The following SLC43A2 variants were observed in gnomAD, a reference collection of about 807,000 sequenced individuals.
The protein encoded by SLC43A2 is solute carrier family 43 member 2.
SLC43A2 carries 38 observed loss-of-function variants against 63.2 expected under a neutral mutation model. The ratio of observed to expected loss-of-function variants is 0.60; its 90% confidence interval spans 0.46 to 0.79. The LOEUF (loss-of-function observed/expected upper bound fraction) is 0.79. Ranked by LOEUF, SLC43A2 falls within the 30% of genes least tolerant of loss-of-function variation. SLC43A2 has a pLI of 0.00. For synonymous variants in SLC43A2, 322 were observed against 331.0 expected, an observed-to-expected ratio of 0.97 and a Z score of 0.30; for missense variants, 644 against 756.2, an observed-to-expected ratio of 0.85 and a Z score of 1.74.
chr17:1,584,259 C>T (rs2076066876), intron 10 of SLC43A2, among the ~76,000 whole-genome samples: 1 of 152,172 alleles, frequency 6.6e-6, no homozygotes, highest in African/African-American at 2.4e-5. Context: ...CCCACGCAGA[C>T]ACCCTGGATG....
At chr17:1,620,245 G>A (rs906193196) in intron 2 of SLC43A2, among the ~76,000 whole-genome samples, 1 of 152,108 alleles carries the variant, frequency 6.6e-6, no homozygotes. Flanking sequence ...GCAGGTACCC[G>A]TAACCCCAAC....
chr17:1,626,968 G>A (rs1908715941), intron 2 of SLC43A2, among the ~76,000 whole-genome samples: 1 of 152,170 alleles, frequency 6.6e-6, no homozygotes, highest in African/African-American at 2.4e-5. Context: ...AGGTGTGAAG[G>A]TAAGTGTGTG....
intron 2 of SLC43A2, among the ~76,000 whole-genome samples, chr17:1,626,013 A>AC (rs1272193598): frequency 2.0e-5 from 3 of 150,480 alleles, no homozygotes; most frequent in Non-Finnish European, 3.0e-5. Flanking sequence ...ATTAAAAAAA[A>AC]ACAAAAAACA....
intron 4 of SLC43A2, among the ~76,000 whole-genome samples, chr17:1,613,981 C>T (rs1907359548): frequency 1.3e-5 from 2 of 152,046 alleles, no homozygotes; most frequent in African/African-American, 2.4e-5. Flanking sequence ...CGGTGGCTCA[C>T]GCCTGTAATC....
At chr17:1,620,599 T>C (rs1339489895) in intron 2 of SLC43A2, among the ~76,000 whole-genome samples, 1 of 152,030 alleles carries the variant, frequency 6.6e-6, no homozygotes, top group Non-Finnish European at 1.5e-5. Context: ...CCCGGCCGCC[T>C]GCCTCCAGGC....
Position 1,590,960 on chromosome 17 carries a change from G to A in SLC43A2, c.932-12C>T. ...GAAGGAGGGGGCCACTGCAGGGAGAGGGTGCGGGGCTCAGGGCCGGGGCAC... is the reference window on the plus strand; with the variant it reads ...GAAGGAGGGGGCCACTGCAGGGAGAAGGTGCGGGGCTCAGGGCCGGGGCAC... On this transcript the variant is annotated splice_polypyrimidine_tract_variant and intron_variant, in intron 8 of 13. Coordinates refer to ENST00000301335, the MANE Select transcript of SLC43A2 (RefSeq NM_152346.3). 1 of 1,549,136 alleles carries A rather than the reference G, an allele frequency of 6.5e-7. No individual in the cohort carries two copies. The highest frequency in any genetic ancestry group is 2.4e-5 in the East Asian group (1 of 40,952).
intron 11 of SLC43A2, among the ~76,000 whole-genome samples, chr17:1,582,544 C>A (rs1473149255): frequency 2.0e-5 from 3 of 152,166 alleles, no homozygotes; most frequent in Admixed American, 2.0e-4. Context: ...TGAGCCGATA[C>A]AAAACAAGGA....
chr17:1,620,775 C>A (rs1908084961), intron 2 of SLC43A2, among the ~76,000 whole-genome samples: 1 of 152,100 alleles, frequency 6.6e-6, no homozygotes, highest in Admixed American at 6.6e-5. Context: ...AGCAGATGCC[C>A]AAACAGACAC....
chr17:1,611,942 T>G (rs1907144900), intron 5 of SLC43A2, among the ~76,000 whole-genome samples: 1 of 151,922 alleles, frequency 6.6e-6, no homozygotes, highest in Non-Finnish European at 1.5e-5. Context: ...GGGAGAGACT[T>G]TTTGGTTCCT....
chr17:1,611,617 C>T (rs1411077609), intron 5 of SLC43A2, among the ~76,000 whole-genome samples: 2 of 144,022 alleles, frequency 1.4e-5, no homozygotes, highest in Non-Finnish European at 3.0e-5. Context: ...CCTGGGCAAC[C>T]GAGCAGACTC....
intron 5 of SLC43A2, among the ~76,000 whole-genome samples, chr17:1,598,315 GGAA>G: frequency 6.6e-6 from 1 of 152,022 alleles, no homozygotes; most frequent in African/African-American, 2.4e-5. Context: ...CAGCTACTGG[GGAA>G]GAGGCTGAGG....
At chr17:1,582,136 G>A (rs568776232) in intron 11 of SLC43A2, among the ~76,000 whole-genome samples, 74 of 151,706 alleles carry the variant, frequency 4.9e-4, no homozygotes, top group Middle Eastern at 3.4e-3. Context: ...CTGGAGTGCA[G>A]TGGCGCGATC....
chr17:1,612,951 G>A (rs1455700090), intron 5 of SLC43A2, among the ~76,000 whole-genome samples: 2 of 151,452 alleles, frequency 1.3e-5, no homozygotes, highest in African/African-American at 2.4e-5. Flanking sequence ...CAGCCTGGGC[G>A]ACAGAGCAAG....
chr17:1,619,016 C>G (rs12450869), intron 2 of SLC43A2, among the ~76,000 whole-genome samples: 2 of 147,922 alleles, frequency 1.4e-5, no homozygotes, highest in Non-Finnish European at 3.0e-5. Context: ...AACAAACAAA[C>G]AGAATCAGGC....
At chr17:1,613,849 A>G (rs1907344923) in intron 4 of SLC43A2, among the ~76,000 whole-genome samples, 1 of 152,138 alleles carries the variant, frequency 6.6e-6, no homozygotes, top group South Asian at 2.1e-4. Flanking sequence ...CTAGAATCCC[A>G]ACACTTTGGG....
intron 5 of SLC43A2, among the ~76,000 whole-genome samples, chr17:1,599,334 G>A (rs1430596209): frequency 6.6e-6 from 1 of 151,364 alleles, no homozygotes; most frequent in Non-Finnish European, 1.5e-5. Context: ...GTGAGACTCT[G>A]TCTCAAAAAA....
intron 9 of SLC43A2, chr17:1,586,928 T>TGGGCCCCCCCCCCCCCCAACC: frequency 8.1e-7 from 1 of 1,232,912 alleles, no homozygotes; most frequent in Non-Finnish European, 1.1e-6. Context: ...TCCCTGACAA[T>TGGGCCCCCCCCCCCCCCAACC]CCCCCCCACC....
At chr17:1,611,566 C>T (rs1282874113) in intron 5 of SLC43A2, among the ~76,000 whole-genome samples, 2 of 149,290 alleles carry the variant, frequency 1.3e-5, no homozygotes, top group Admixed American at 6.8e-5. Flanking sequence ...ACCCGGGAGG[C>T]GGAGGTTGCA....
chr17:1,600,152 A>ATATATATATTTT (rs1216616243), intron 5 of SLC43A2, among the ~76,000 whole-genome samples: 3 of 60,280 alleles, frequency 5.0e-5, no homozygotes, highest in Admixed American at 3.3e-4. Context: ...ATATATATAT[A>ATATATATATTTT]TTTTTTTTTT....
Sources: allele counts gnomAD v4.1 joint callset (sites outside exome capture counted in the v4.1 genomes callset), GRCh38; gene constraint gnomAD v4.1.1; transcripts MANE v1.5; gene names NCBI Gene and HGNC (gene_info 2026-07-23, HGNC 2026-07-21).